Variants in PHF24 observed in about 807,000 individuals in gnomAD.
The protein encoded by PHF24 is PHD finger protein 24, also known as Galpha inhibitory interacting protein.
Under a neutral mutation model 42.6 loss-of-function variants are expected in PHF24, and 25 were observed. That is an observed-to-expected ratio of 0.59 (90% confidence interval 0.43 to 0.82). The LOEUF (loss-of-function observed/expected upper bound fraction) is 0.82, where lower values mean the gene tolerates loss of function less well. Ranked by LOEUF, PHF24 falls within the 40% of genes least tolerant of loss-of-function variation. The pLI is 0.00. For missense variants in PHF24, 470 were observed against 538.1 expected (o/e 0.87, Z 1.25); for synonymous variants, 185 against 204.8 (o/e 0.90, Z 0.83).
the PHF24 span, among the ~76,000 whole-genome samples, chr9:34,774,190 T>A: frequency 6.6e-6 from 1 of 152,192 alleles, no homozygotes; most frequent in African/African-American, 2.4e-5. Context: ...TTGGCAATGA[T>A]TTCTTGGCTA....
the PHF24 span, among the ~76,000 whole-genome samples, chr9:34,775,852 T>C: frequency 6.6e-6 from 1 of 152,174 alleles, no homozygotes. Flanking sequence ...CCAACCTAAA[T>C]GCCCAGCACT....
chr9:34,850,122 G>C, the PHF24 span, among the ~76,000 whole-genome samples: 2 of 152,152 alleles, frequency 1.3e-5, no homozygotes, highest in East Asian at 3.8e-4. Context: ...CGCGTTCTCT[G>C]TATTTCCTGA....
the PHF24 span, among the ~76,000 whole-genome samples, chr9:34,937,343 C>T: frequency 6.6e-6 from 1 of 152,098 alleles, no homozygotes; most frequent in Non-Finnish European, 1.5e-5. Context: ...TGATCTGTGA[C>T]CTTACCCCCA....
the PHF24 span, among the ~76,000 whole-genome samples, chr9:34,793,756 T>G: frequency 7.0e-6 from 1 of 143,586 alleles, no homozygotes; most frequent in African/African-American, 2.6e-5. Flanking sequence ...GTTTCTTTTA[T>G]TCTCTTGCTT....
the PHF24 span, among the ~76,000 whole-genome samples, chr9:34,936,214 G>A: frequency 3.3e-5 from 5 of 152,156 alleles, no homozygotes; most frequent in East Asian, 3.9e-4. Flanking sequence ...CATTGCAGGC[G>A]CGCGCCGCCA....
the PHF24 span, among the ~76,000 whole-genome samples, chr9:34,680,646 C>T: frequency 6.8e-6 from 1 of 147,362 alleles, no homozygotes; most frequent in Admixed American, 6.7e-5. Context: ...CGAGATCCCG[C>T]CACTGCACTC....
At chr9:34,799,046 C>T in the PHF24 span, among the ~76,000 whole-genome samples, 99 of 152,050 alleles carry the variant, frequency 6.5e-4, no homozygotes, top group Admixed American at 1.4e-3. Context: ...TTTTAATGAG[C>T]TTATTTGATT....
chr9:34,725,877 G>T, the PHF24 span: 2 of 1,552,018 alleles, frequency 1.3e-6, no homozygotes, highest in Non-Finnish European at 1.7e-6. Context: ...TCAATCTTGG[G>T]GAGGCCTTGA....
chr9:34,883,362 A>T, the PHF24 span, among the ~76,000 whole-genome samples: 1 of 152,222 alleles, frequency 6.6e-6, no homozygotes, highest in East Asian at 1.9e-4. Flanking sequence ...AAATTGACAA[A>T]TGGGATCTAA....
chr9:34,716,363 G>A, the PHF24 span, among the ~76,000 whole-genome samples: 120 of 152,214 alleles, frequency 7.9e-4, no homozygotes, highest in African/African-American at 2.6e-3. Context: ...TTGGGTTTGC[G>A]GTTCCTGTTG....
chr9:34,948,531 G>C, the PHF24 span, among the ~76,000 whole-genome samples: 1 of 152,006 alleles, frequency 6.6e-6, no homozygotes, highest in Non-Finnish European at 1.5e-5. Context: ...TGGTTAGATA[G>C]GTTTAGATAC....
intron 1 of PHF24, among the ~76,000 whole-genome samples, chr9:34,963,277 T>G (rs1032168066): frequency 1.6e-5 from 2 of 126,276 alleles, no homozygotes; most frequent in African/African-American, 6.6e-5. Context: ...TTTTTTTTTT[T>G]GCTTAAAATC....
At chr9:34,735,133 C>CTTTTTTTTTTT in the PHF24 span, among the ~76,000 whole-genome samples, 4 of 112,482 alleles carry the variant, frequency 3.6e-5, no homozygotes, top group Non-Finnish European at 5.5e-5. Flanking sequence ...TTTCTTTTTT[C>CTTTTTTTTTTT]TTTTTTTTTT....
the PHF24 span, among the ~76,000 whole-genome samples, chr9:34,743,201 A>G: frequency 6.6e-6 from 1 of 152,210 alleles, no homozygotes; most frequent in African/African-American, 2.4e-5. Flanking sequence ...CTTTTCCTTT[A>G]TAAAAAATCA....
chr9:34,723,664 A>C, the PHF24 span: 1 of 1,551,664 alleles, frequency 6.4e-7, no homozygotes, highest in African/African-American at 1.4e-5. Context: ...TCACCAGCCC[A>C]TGCAAAACTT....
the PHF24 span, among the ~76,000 whole-genome samples, chr9:34,825,682 A>G: frequency 1.3e-5 from 2 of 151,948 alleles, no homozygotes; most frequent in Non-Finnish European, 2.9e-5. Flanking sequence ...CACCCAAGTC[A>G]TGTCCAAGGA....
At chr9:34,689,385 G>C in the PHF24 span, among the ~76,000 whole-genome samples, 1 of 151,878 alleles carries the variant, frequency 6.6e-6, no homozygotes, top group African/African-American at 2.4e-5. The surrounding 1 kb of genome is among the most constrained non-coding windows in gnomAD (Gnocchi z 4.1). Flanking sequence ...GACCCCCTAG[G>C]CCACAGAAGA....
the PHF24 span, among the ~76,000 whole-genome samples, chr9:34,810,634 G>T: frequency 6.6e-6 from 1 of 152,184 alleles, no homozygotes; most frequent in African/African-American, 2.4e-5. Context: ...TGGGGAGGGG[G>T]ATCCTCCCAT....
chr9:34,858,086 T>C, the PHF24 span, among the ~76,000 whole-genome samples: 51 of 152,114 alleles, frequency 3.4e-4, no homozygotes, highest in Non-Finnish European at 6.2e-4. Context: ...TATTTACTTA[T>C]TTATTTATCT....
Sources: gnomAD v4.1 joint callset for allele counts (sites outside exome capture counted in the v4.1 genomes callset) on GRCh38, gnomAD v4.1.1 for gene constraint, Gnocchi (gnomAD v3.1) non-coding constraint, MANE v1.5 for transcripts, NCBI Gene and HGNC (gene_info 2026-07-23, HGNC 2026-07-21) for gene names.